The following KAZN variants were observed in gnomAD, a reference collection of about 807,000 sequenced individuals.
The protein encoded by KAZN is kazrin.
A neutral mutation model predicts 87.4 loss-of-function variants in KAZN; 40 were observed. The ratio of observed to expected loss-of-function variants is 0.46; its 90% CI spans 0.36 to 0.60. The LOEUF (loss-of-function observed/expected upper bound fraction) is 0.60, where lower values mean the gene tolerates loss of function less well. Among genes scored for constraint, KAZN ranks in the 20% least tolerant of loss-of-function variants. The probability of loss-of-function intolerance (pLI) is 0.00; values close to 1 mark genes in which losing one functional copy is unlikely to be tolerated. For missense variants in KAZN, 898 were observed against 1,073.9 expected (o/e 0.84, Z 2.29); for synonymous variants, 466 against 458.3 (o/e 1.02, Z -0.22).
At chr1:14,889,095 C>T (rs542976654) in intron 1 of KAZN, among the ~76,000 whole-genome samples, 7 of 152,322 alleles carry the variant, frequency 4.6e-5, no homozygotes, top group South Asian at 2.1e-4. Flanking sequence ...CATTCCGGGC[C>T]GCATGCAGCC....
Position 15,094,404 on chromosome 1 carries a change from C to T in KAZN, c.1428+19C>T. The T allele has an allele frequency of 6.9e-6, 11 of 1,599,460 alleles. No homozygotes were observed. Among genetic ancestry groups the T allele is most frequent in the Non-Finnish European group, 8.5e-6 (10 of 1,171,784 alleles). ...CGGGAAGGTAGGCAACTCCGGGCCC[C>T]CTATGGGATGCCACCCATGCCCTCT... On this transcript the variant is annotated intron_variant, in intron 9 of 14. Coordinates refer to ENST00000376030, the MANE Select transcript of KAZN (RefSeq NM_201628.3). This position sits in a 1 kb window ranked among gnomAD's most constrained non-coding sequence, Gnocchi z 4.5.
Position 14,821,918 on chromosome 1 carries a change from G to A in KAZN, c.227-138766G>A, listed in dbSNP as rs114047675. On this transcript the variant is annotated intron_variant, in intron 1 of 14. Transcript: ENST00000376030. ...GCCCTCAGTAGAGCTCTCAGCTCCA[G>A]ACACGTGGTGGTTTTCTTACCAGAC... Among the ~76,000 whole-genome samples the A allele has an allele frequency of 1.1e-3, 169 of 152,302 alleles. 2 individuals carry two copies. Among genetic ancestry groups the A allele is most frequent in the African/African-American group, 3.8e-3 (160 of 41,564 alleles).
At chr1:14,643,087 C>A (rs1572117579) in intron 1 of KAZN, among the ~76,000 whole-genome samples, 1 of 148,996 alleles carries the variant, frequency 6.7e-6, no homozygotes, top group Non-Finnish European at 1.5e-5. Context: ...GCATAATAAC[C>A]CCAAACTGGA....
At chr1:14,501,299 C>T (rs1670239449) in intron 2 of KAZN, among the ~76,000 whole-genome samples, 1 of 151,884 alleles carries the variant, frequency 6.6e-6, no homozygotes, top group African/African-American at 2.4e-5. Flanking sequence ...AAAAAGTATC[C>T]AGATTGGAAA....
intron 2 of KAZN, among the ~76,000 whole-genome samples, chr1:14,586,326 A>AAT (rs1388241283): frequency 2.0e-5 from 3 of 152,208 alleles, no homozygotes; most frequent in African/African-American, 7.2e-5. Flanking sequence ...GCCACAGTTT[A>AAT]ATACGGTTCA....
chr1:14,741,515 C>T (rs1644098011), intron 1 of KAZN, among the ~76,000 whole-genome samples: 1 of 152,216 alleles, frequency 6.6e-6, no homozygotes, highest in Non-Finnish European at 1.5e-5. Flanking sequence ...CCCATCAGGT[C>T]CTGAAATTTG....
At chr1:15,093,399 C>T (rs552906393) in intron 8 of KAZN, among the ~76,000 whole-genome samples, 19 of 152,024 alleles carry the variant, frequency 1.2e-4, no homozygotes, top group Non-Finnish European at 2.1e-4. Flanking sequence ...AAGTTAAGGA[C>T]GCGCGCCCAG....
At chr1:14,146,536 CAA>C (rs55928646) in intron 1 of KAZN, among the ~76,000 whole-genome samples, 26 of 63,514 alleles carry the variant, frequency 4.1e-4, no homozygotes, top group East Asian at 7.4e-4. Flanking sequence ...AACTCCATCT[CAA>C]AAAAAAAAAA....
chr1:14,201,359 C>T (rs1430588308), intron 2 of KAZN, among the ~76,000 whole-genome samples: 3 of 152,192 alleles, frequency 2.0e-5, no homozygotes, highest in Non-Finnish European at 2.9e-5. Context: ...CTGCAGCGAG[C>T]TGTTAATGCA....
At chr1:14,504,211 C>G (rs1016152213) in intron 2 of KAZN, among the ~76,000 whole-genome samples, 6 of 152,124 alleles carry the variant, frequency 3.9e-5, no homozygotes, top group Admixed American at 3.9e-4. Context: ...AAGATGGAAA[C>G]AGACTTGGGG....
intron 2 of KAZN, among the ~76,000 whole-genome samples, chr1:14,306,140 GTCGCATTT>G (rs1654909686): frequency 6.6e-6 from 1 of 152,160 alleles, no homozygotes; most frequent in African/African-American, 2.4e-5. Flanking sequence ...GGAATGTGTT[GTCGCATTT>G]TTTGGTGGAT....
chr1:14,816,997 G>A (rs1246242051), intron 1 of KAZN, among the ~76,000 whole-genome samples: 1 of 152,186 alleles, frequency 6.6e-6, no homozygotes, highest in African/African-American at 2.4e-5. Flanking sequence ...GAGGTTTAGA[G>A]AGATAACTCA....
chr1:14,325,812 T>G (rs1656368277), intron 2 of KAZN, among the ~76,000 whole-genome samples: 1 of 152,172 alleles, frequency 6.6e-6, no homozygotes, highest in Non-Finnish European at 1.5e-5. Flanking sequence ...CATACCAACT[T>G]TTGAAACACT....
intron 1 of KAZN, among the ~76,000 whole-genome samples, chr1:14,105,701 C>G (rs1277542529): frequency 6.6e-6 from 1 of 152,212 alleles, no homozygotes; most frequent in Non-Finnish European, 1.5e-5. Flanking sequence ...AAGACAATTT[C>G]ATGGAGTTCC....
At chr1:14,668,047 A>T (rs989660399) in intron 1 of KAZN, among the ~76,000 whole-genome samples, 2 of 152,168 alleles carry the variant, frequency 1.3e-5, no homozygotes, top group Admixed American at 6.5e-5. Context: ...CAGGGAAAAA[A>T]ACACCAATTC....
At chr1:14,819,807 A>G (rs1329513955) in intron 1 of KAZN, among the ~76,000 whole-genome samples, 1 of 147,192 alleles carries the variant, frequency 6.8e-6, no homozygotes. Flanking sequence ...TCCTGGGTTC[A>G]AGCAATTCTC....
chr1:14,998,406 G>A (rs894256729), intron 2 of KAZN, among the ~76,000 whole-genome samples: 1 of 112,844 alleles, frequency 8.9e-6, no homozygotes, highest in Non-Finnish European at 1.6e-5. Flanking sequence ...TGTGTATGTG[G>A]CGGGGGGACT....
chr1:14,574,447 A>G (rs959924594), intron 2 of KAZN, among the ~76,000 whole-genome samples: 4 of 152,112 alleles, frequency 2.6e-5, no homozygotes, highest in Non-Finnish European at 5.9e-5. Flanking sequence ...TTTCCCCCAT[A>G]CTGGACTGTG....
At chr1:14,970,319 C>T (rs1253354931) in intron 2 of KAZN, among the ~76,000 whole-genome samples, 1 of 152,146 alleles carries the variant, frequency 6.6e-6, no homozygotes, top group African/African-American at 2.4e-5. Context: ...AGCAAGTCAC[C>T]TGACCAAGCC....
Sources: allele counts gnomAD v4.1 joint callset (sites outside exome capture counted in the v4.1 genomes callset), GRCh38; gene constraint gnomAD v4.1.1; non-coding constraint Gnocchi (gnomAD v3.1); transcripts MANE v1.5; gene names NCBI Gene and HGNC (gene_info 2026-07-23, HGNC 2026-07-21).